Variants in GMNN observed in about 807,000 individuals in gnomAD.
GMNN encodes the protein geminin DNA replication inhibitor.
A neutral mutation model predicts 20.9 loss-of-function variants in GMNN; 14 were observed. The observed-to-expected ratio is 0.67, with a 90% CI of 0.44 to 1.05. GMNN has a LOEUF of 1.05. GMNN is among the 50% of genes least tolerant of loss of function. The probability of loss-of-function intolerance (pLI) is 0.00; values close to 1 mark genes in which losing one functional copy is unlikely to be tolerated. For synonymous variants in GMNN, 81 were observed against 85.8 expected (o/e 0.94, Z 0.31); for missense variants, 227 against 243.8 (o/e 0.93, Z 0.46).
chr6:24,779,279 AAAT>A (rs1322389969), intron 2 of GMNN, among the ~76,000 whole-genome samples: 1 of 152,240 alleles, frequency 6.6e-6, no homozygotes, highest in Non-Finnish European at 1.5e-5. Flanking sequence ...TATATACAGA[AAAT>A]AATAATAGTA....
chr6:24,780,461 T>C (rs1780180188), intron 2 of GMNN, among the ~76,000 whole-genome samples: 1 of 152,214 alleles, frequency 6.6e-6, no homozygotes, highest in Admixed American at 6.5e-5. Context: ...AAATAACAAG[T>C]TTGTCAGTTG....
chr6:24,783,118 A>G (rs755284130), intron 4 of GMNN, among the ~76,000 whole-genome samples: 4 of 152,192 alleles, frequency 2.6e-5, no homozygotes, highest in Non-Finnish European at 5.9e-5. Flanking sequence ...ATCATGGATT[A>G]TCTTTTGACA....
rs1780287576 is a variant in GMNN at position 24,784,110 on chromosome 6, A to T, written c.298A>T (p.Lys100Ter). ...AGAAAATCCATCCTCTCAGTATTGG[A>T]AGGAAGTGGCAGAAAAACGGAGAAA... The part of the protein sequence containing the change: ...IKENPSSQYW[K>*]EVAEKRRKAL... The change falls in exon 5 of 7, where the codon AAG becomes TAG. Residue 100 changes from lysine to a stop codon, truncating the protein, a stop_gained. Transcript: ENST00000230056. LOFTEE classifies it high-confidence loss of function. The T allele has an allele frequency of 1.3e-6, 2 of 1,497,482 alleles. No individual in the cohort carries two copies. The highest frequency in any genetic ancestry group is 1.9e-6 in the Non-Finnish European group (2 of 1,075,766). The allele number at this position is 1,497,482 out of a possible 1,614,324, so 92.8% of individuals were successfully genotyped here. A position where few individuals can be genotyped will look rare whatever the true frequency, so the allele number is the denominator to read the frequency against.
At chr6:24,782,781 C>T (rs562648250) in intron 4 of GMNN, among the ~76,000 whole-genome samples, 49 of 151,720 alleles carry the variant, frequency 3.2e-4, no homozygotes, top group Middle Eastern at 3.4e-3. Flanking sequence ...TAACCCTCTG[C>T]GATACATGGT....
intron 1 of GMNN, among the ~76,000 whole-genome samples, chr6:24,776,708 T>G (rs1056296376): frequency 6.6e-6 from 1 of 152,214 alleles, no homozygotes; most frequent in Non-Finnish European, 1.5e-5. Flanking sequence ...CTTTTCCCTC[T>G]TTCTTGCTTG....
rs1274363732 is a variant in GMNN at position 24,785,902 on chromosome 6, A to G, written c.*103A>G. The G allele has an allele frequency of 4.3e-6, 3 of 701,746 alleles. No individual in the cohort carries two copies. The highest frequency in any genetic ancestry group is 2.9e-5 in the Admixed American group (1 of 34,696). 43.5% of individuals were successfully genotyped at this position (701,746 alleles called of 1,614,324 possible). ...CTACATAATGCCAACTCTGGAATCAAATTTCCTTGTTTGAATCCTGGGACC... is the reference window on the plus strand; with the variant it reads ...CTACATAATGCCAACTCTGGAATCAGATTTCCTTGTTTGAATCCTGGGACC... On this transcript the variant is annotated 3_prime_UTR_variant, in exon 7 of 7. Transcript: ENST00000230056.
Position 24,781,543 on chromosome 6 carries a change from G to A in GMNN, c.196G>A (p.Gly66Arg). 1 of 1,579,758 alleles carries A rather than the reference G, an allele frequency of 6.3e-7. No individual in the cohort carries two copies. Among genetic ancestry groups the A allele is most frequent in the Non-Finnish European group, 8.7e-7 (1 of 1,155,114 alleles). ...DHLTSTTSSPGVIVPESSENK... is the reference protein window; with the variant it reads ...DHLTSTTSSPRVIVPESSENK... The stretch of plus-strand genomic sequence containing the variant: ...CTTAACATCTACAACTTCCAGCCCT[G>A]GGGTTATTGTCCCAGAATCTAGTGA... Residue 66 changes from glycine (G) to arginine (R), a missense_variant, in exon 4 of 7, where the codon GGG becomes AGG. Coordinates refer to ENST00000230056, the MANE Select transcript of GMNN (RefSeq NM_015895.5).
chr6:24,780,474 T>C (rs559432132), intron 2 of GMNN, among the ~76,000 whole-genome samples, 189 bp from the exon 3 acceptor site: 32 of 152,356 alleles, frequency 2.1e-4, no homozygotes, highest in African/African-American at 7.7e-4. Flanking sequence ...GTCAGTTGAT[T>C]AAACCAGTGT....
chr6:24,784,348 T>C (rs1271617308), intron 5 of GMNN, 96 bp from the exon 6 acceptor site: 11 of 713,800 alleles, frequency 1.5e-5, no homozygotes, highest in Admixed American at 1.1e-4. Flanking sequence ...GTCAATTCTA[T>C]GCTGCATGTC....
intron 2 of GMNN, chr6:24,777,574 A>G (rs112591788): frequency 7.1e-5 from 15 of 211,982 alleles, no homozygotes; most frequent in African/African-American, 3.0e-4. Context: ...ATTTTTTCCT[A>G]AGTATTCTTT....
chr6:24,781,738 A>G (rs1416245717), intron 4 of GMNN, 117 bp downstream of exon 4: 1 of 473,326 alleles, frequency 2.1e-6, no homozygotes, highest in East Asian at 3.3e-5. Context: ...TAACAGCACT[A>G]TAAATGTTTT....
At position 24,775,216 on chromosome 6, in the gene GMNN, A is replaced by G. The variant is rs956663922; in HGVS notation, c.-54A>G. On this transcript the variant is annotated 5_prime_UTR_variant, in exon 1 of 7. Coordinates refer to ENST00000230056, the MANE Select transcript of GMNN (RefSeq NM_015895.5). Reference sequence around the variant, plus strand: ...CGGCCAACCTCTGAAGCCGCGTCCTACTTTGACAGCTGCAGGGCCGCGGCC... The same window carrying G: ...CGGCCAACCTCTGAAGCCGCGTCCTGCTTTGACAGCTGCAGGGCCGCGGCC... 7.2e-5 allele frequency: 11 copies of G among 152,300 alleles called. No individual in the cohort carries two copies. Among genetic ancestry groups the G allele is most frequent in the African/African-American group, 2.7e-4 (11 of 41,446 alleles). The allele number at this position is 152,300 out of a possible 1,614,324, so 9.4% of individuals were successfully genotyped here.
chr6:24,777,128 C>T, intron 1 of GMNN, 94 bp from the exon 2 acceptor site: 1 of 447,050 alleles, frequency 2.2e-6, no homozygotes, highest in Non-Finnish European at 4.1e-6. Flanking sequence ...AATAATAGTT[C>T]TACTGTACAA....
chr6:24,785,977 A>G lies in GMNN; in HGVS notation c.*178A>G. On this transcript the variant is annotated 3_prime_UTR_variant, in exon 7 of 7. Coordinates refer to ENST00000230056, the MANE Select transcript of GMNN (RefSeq NM_015895.5). ...ATGTATTTTTAATCTATGATGGTTT[A>G]TGTGAATAGGATTTTCTCAGTTGTC... 1.2e-5 allele frequency: 6 copies of G among 495,878 alleles called. No individual in the cohort carries two copies. The highest frequency in any genetic ancestry group is 1.8e-5 in the Non-Finnish European group (5 of 284,988). The allele number at this position is 495,878 out of a possible 1,614,324, so 30.7% of individuals were successfully genotyped here. A position where few individuals can be genotyped will look rare whatever the true frequency, so the allele number is the denominator to read the frequency against.
rs186031876 is a variant in GMNN, at chr6:24,779,494, A to G, written c.52-1169A>G. Among the ~76,000 whole-genome samples the G allele has an allele frequency of 2.0e-3, 309 of 152,318 alleles. 2 individuals carry two copies. Among genetic ancestry groups the G allele is most frequent in the Non-Finnish European group, 1.1e-3 (78 of 68,022 alleles). Reference sequence around the variant, plus strand: ...TTGTCTGGAGACTGTTGACTAATCTATAATCTAAATTATATCTGAAATGTT... The same window carrying G: ...TTGTCTGGAGACTGTTGACTAATCTGTAATCTAAATTATATCTGAAATGTT... On this transcript the variant is annotated intron_variant, in intron 2 of 6. Coordinates refer to ENST00000230056, the MANE Select transcript of GMNN (RefSeq NM_015895.5).
intron 5 of GMNN, 92 bp from the exon 6 acceptor site, chr6:24,784,352 G>T: frequency 1.4e-6 from 1 of 721,282 alleles, no homozygotes; most frequent in Non-Finnish European, 2.5e-6. Flanking sequence ...ATTCTATGCT[G>T]CATGTCCTCC....
intron 3 of GMNN, among the ~76,000 whole-genome samples, chr6:24,781,191 G>A (rs1053735155): frequency 5.9e-5 from 9 of 151,804 alleles, no homozygotes; most frequent in Non-Finnish European, 1.2e-4. Context: ...GTGACAGAGC[G>A]AGACTCTAAA....
At chr6:24,782,439 CTGA>C (rs559923029) in intron 4 of GMNN, among the ~76,000 whole-genome samples, 3 of 152,034 alleles carry the variant, frequency 2.0e-5, no homozygotes, top group Non-Finnish European at 4.4e-5. Flanking sequence ...ATGTTAAGTA[CTGA>C]TGATAAAATT....
chr6:24,785,764 G>C lies in GMNN; in HGVS notation c.595G>C (p.Val199Leu), dbSNP rs1562195199. The change falls in exon 7 of 7, where the codon GTA (valine) becomes CTA (leucine). Residue 199 changes from valine (V) to leucine (L), a missense_variant. By Grantham distance (32) the Val-to-Leu change is conservative. Transcript: ENST00000230056. ...SEIGTCAEGT[V>L]SSSTDAKPCI Reference sequence around the variant, plus strand: ...AATTGGCACGTGTGCTGAAGGAACTGTATCTTCCTCTACGGATGCAAAGCC... The same window carrying C: ...AATTGGCACGTGTGCTGAAGGAACTCTATCTTCCTCTACGGATGCAAAGCC... The C allele has an allele frequency of 1.3e-6, 2 of 1,588,160 alleles. No homozygotes were observed. The highest frequency in any genetic ancestry group is 1.7e-6 in the Non-Finnish European group (2 of 1,166,254).
Sources: allele counts gnomAD v4.1 joint callset (sites outside exome capture counted in the v4.1 genomes callset), GRCh38; gene constraint gnomAD v4.1.1; transcripts MANE v1.5; gene names NCBI Gene and HGNC (gene_info 2026-07-23, HGNC 2026-07-21).